Variants in TMEM127 observed in about 807,000 individuals in gnomAD.
TMEM127 encodes the protein transmembrane protein 127.
A neutral mutation model predicts 20.1 loss-of-function variants in TMEM127; 21 were observed. The ratio of observed to expected loss-of-function variants is 1.04; its 90% confidence interval spans 0.74 to 1.50. The LOEUF (loss-of-function observed/expected upper bound fraction) is 1.50. Ranked by LOEUF, TMEM127 falls within the 40% of genes most tolerant of loss-of-function variation. The pLI is 0.00. For synonymous variants in TMEM127, 150 were observed against 144.7 expected (o/e 1.04, Z -0.26); for missense variants, 303 against 317.4 (o/e 0.95, Z 0.34).
chr2:96,254,863 G>C lies in TMEM127; in HGVS notation c.379C>G (p.Arg127Gly). Reference protein sequence around the residue: ...GPKHPALKITRRYAFAHILTV... With the variant: ...GPKHPALKITGRYAFAHILTV... ...AGGATATGGGCGAAGGCATAGCGAC[G>C]AGTGATCTTCAGAGCAGGATGCTTC... The change falls in exon 3 of 4, where the codon CGT (arginine) becomes GGT (glycine). Residue 127 changes from arginine (R) to glycine (G), a missense_variant. By Grantham distance (125) the Arg-to-Gly change is moderately radical. Transcript: ENST00000258439. 6.2e-7 allele frequency: 1 copy of C among 1,614,088 alleles called. No homozygotes were observed. Among genetic ancestry groups the C allele is most frequent in the Non-Finnish European group, 8.5e-7 (1 of 1,179,968 alleles).
rs117319310 is a variant in TMEM127, at chr2:96,264,766, T to C, written c.244+372A>G. Among the ~76,000 whole-genome samples the C allele has an allele frequency of 1.6e-3, 245 of 152,346 alleles. 6 individuals carry two copies. In the East Asian group the frequency reaches 0.043, roughly 26 times the overall value. On this transcript the variant is annotated intron_variant, in intron 2 of 3. Coordinates refer to ENST00000258439, the MANE Select transcript of TMEM127 (RefSeq NM_017849.4). ...TTTAAAACCTAGTCATATTAAAAGT[T>C]CCTTTTTCTCCATTAATCAGTCTGC...
At chr2:96,257,214 C>T (rs903048700) in intron 2 of TMEM127, among the ~76,000 whole-genome samples, 6 of 152,330 alleles carry the variant, frequency 3.9e-5, no homozygotes, top group African/African-American at 1.4e-4. Context: ...ATAATCCTGG[C>T]ACTTTGGGAG....
Position 96,253,244 on chromosome 2 carries a change from T to TC in TMEM127, c.*563dup. On this transcript the variant is annotated 3_prime_UTR_variant, in exon 4 of 4. Coordinates refer to ENST00000258439, the MANE Select transcript of TMEM127 (RefSeq NM_017849.4). The surrounding 1 kb of genome is among the most constrained non-coding windows in gnomAD (Gnocchi z 4.3). ...CTGCCTTCCCAACAGCGATTCCCTC[T>TC]CCCCATAAAACCAGGGCACACGTGA... 1 of 234,696 alleles carries TC rather than the reference T, an allele frequency of 4.3e-6. No homozygotes were observed. 14.5% of individuals were successfully genotyped at this position (234,696 alleles called of 1,614,324 possible). A position where few individuals can be genotyped will look rare whatever the true frequency, so the allele number is the denominator to read the frequency against.
At chr2:96,256,862 G>A (rs1684218296) in intron 2 of TMEM127, among the ~76,000 whole-genome samples, 1 of 152,118 alleles carries the variant, frequency 6.6e-6, no homozygotes, top group Admixed American at 6.6e-5. Context: ...GAAAGTAAAG[G>A]GAAATAGACC....
At chr2:96,259,328 G>T (rs2104296634) in intron 2 of TMEM127, among the ~76,000 whole-genome samples, 1 of 152,338 alleles carries the variant, frequency 6.6e-6, no homozygotes, top group Middle Eastern at 3.4e-3. Context: ...TCCAAACCAT[G>T]ATCAGGCTCC....
chr2:96,259,215 G>T (rs1220484939), intron 2 of TMEM127, among the ~76,000 whole-genome samples: 5 of 152,220 alleles, frequency 3.3e-5, no homozygotes, highest in African/African-American at 1.2e-4. Context: ...ACACAGATGG[G>T]TGAAGTGCCC....
In TMEM127 at chr2:96,253,910, C is replaced by T; in HGVS notation, c.615G>A (p.Glu205=). 6.2e-7 allele frequency: 1 copy of T among 1,613,976 alleles called. No homozygotes were observed. The highest frequency in any genetic ancestry group is 1.3e-5 in the African/African-American group (1 of 75,022). Residue 205 remains glutamate (E), a synonymous_variant, in exon 4 of 4, where the codon GAG becomes GAA. Transcript: ENST00000258439. The surrounding 1 kb of genome is among the most constrained non-coding windows in gnomAD (Gnocchi z 4.3). Reference sequence around the variant, plus strand: ...TCTCTGAGAGCAGCTCCAGCGCCTGCTCCTCTTCCTCTGTGGGGTAGTGGC... The same window carrying T: ...TCTCTGAGAGCAGCTCCAGCGCCTGTTCCTCTTCCTCTGTGGGGTAGTGGC... The part of the protein sequence containing the change: ...LLRHYPTEEE[E]QALELLSEME...
At chr2:96,265,013 G>A in intron 2 of TMEM127, 125 bp downstream of exon 2, 10 of 1,491,422 alleles carry the variant, frequency 6.7e-6, no homozygotes, top group Non-Finnish European at 9.1e-6. Context: ...TGGTGGGCAT[G>A]AACACCAGGC....
chr2:96,262,672 G>A (rs1027512867), intron 2 of TMEM127, among the ~76,000 whole-genome samples: 1 of 152,194 alleles, frequency 6.6e-6, no homozygotes, highest in South Asian at 2.1e-4. Context: ...AAGACAAAAC[G>A]GAGCCTGAAT....
chr2:96,265,640 G>C (rs946692372), intron 1 of TMEM127, 128 bp from the exon 2 acceptor site: 2 of 376,800 alleles, frequency 5.3e-6, no homozygotes, highest in African/African-American at 4.2e-5. Context: ...CAACCGAAGA[G>C]GGCCAGGGGC....
rs1314650803 is a variant in TMEM127, at chr2:96,251,978, A to G, written c.*1830T>C. On this transcript the variant is annotated 3_prime_UTR_variant, in exon 4 of 4. Transcript: ENST00000258439. ...AAGTAAACCTGCCAATGACAAACTCAGGACTTAACAGAAAGACTTAGTTCA... is the reference window on the plus strand; with the variant it reads ...AAGTAAACCTGCCAATGACAAACTCGGGACTTAACAGAAAGACTTAGTTCA... 1.7e-5 allele frequency: 4 copies of G among 233,138 alleles called. No homozygotes were observed. Among genetic ancestry groups the G allele is most frequent in the Admixed American group, 5.6e-5 (1 of 17,762 alleles). 14.4% of individuals were successfully genotyped at this position (233,138 alleles called of 1,614,324 possible). A position where few individuals can be genotyped will look rare whatever the true frequency, so the allele number is the denominator to read the frequency against.
At chr2:96,258,697 C>T (rs915111532) in intron 2 of TMEM127, among the ~76,000 whole-genome samples, 1 of 152,160 alleles carries the variant, frequency 6.6e-6, no homozygotes, top group African/African-American at 2.4e-5. Context: ...GTGCATGGGG[C>T]CTCACTGAAA....
At position 96,254,074 on chromosome 2, in the gene TMEM127, A is replaced by G. The variant is rs964860224; in HGVS notation, c.451T>C (p.Ser151Pro). The G allele has an allele frequency of 3.1e-6, 5 of 1,614,022 alleles. No homozygotes were observed. Among genetic ancestry groups the G allele is most frequent in the Non-Finnish European group, 8.5e-7 (1 of 1,180,028 alleles). The change falls in exon 4 of 4, where the codon TCT becomes CCT. Residue 151 changes from serine to proline, a missense_variant. Physicochemically the swap from Ser to Pro is moderately conservative, Grantham distance 74. Transcript: ENST00000258439. ...ATVIGFSYWA[S>P]ELILAQQQQH... Reference sequence around the variant, plus strand: ...TGCTGCTGGGCCAAGATGAGTTCAGAAGCCCAATAAGAAAAGCCAATGACG... The same window carrying G: ...TGCTGCTGGGCCAAGATGAGTTCAGGAGCCCAATAAGAAAAGCCAATGACG...
chr2:96,253,584 G>C lies in TMEM127; in HGVS notation c.*224C>G. The C allele has an allele frequency of 1.8e-6, 1 of 571,202 alleles. No individual in the cohort carries two copies. 35.4% of individuals were successfully genotyped at this position (571,202 alleles called of 1,614,324 possible). On this transcript the variant is annotated 3_prime_UTR_variant, in exon 4 of 4. Coordinates refer to ENST00000258439, the MANE Select transcript of TMEM127 (RefSeq NM_017849.4). This position sits in a 1 kb window ranked among gnomAD's most constrained non-coding sequence, Gnocchi z 4.3. ...CTCGTGAATGTGAAGGGGGCAGGAT[G>C]TGGCAGGAGGGAAAGAGTACATTAT...
chr2:96,262,153 T>G (rs2104301551), intron 2 of TMEM127, among the ~76,000 whole-genome samples: 1 of 151,224 alleles, frequency 6.6e-6, no homozygotes, highest in East Asian at 2.0e-4. Context: ...CAACTACTCG[T>G]GAGGCTGAGA....
chr2:96,262,419 A>G lies in TMEM127; in HGVS notation c.244+2719T>C, dbSNP rs1054522522. 2.6e-5 allele frequency among the ~76,000 whole-genome samples: 4 copies of G among 152,316 alleles called. No individual in the cohort carries two copies. The South Asian group carries it at 8.3e-4, about 32-fold the overall frequency. On this transcript the variant is annotated intron_variant, in intron 2 of 3. Transcript: ENST00000258439. ...CAGGATACTACATGTCTGAAGGCCC[A>G]CTGGGTACCAAAAAACCAGTAGGTA... is the stretch of plus-strand genomic sequence containing the variant.
intron 2 of TMEM127, among the ~76,000 whole-genome samples, chr2:96,260,142 G>A (rs963525052): frequency 7.2e-5 from 11 of 152,198 alleles, no homozygotes; most frequent in Non-Finnish European, 1.5e-4. Context: ...TTTGGGTAAC[G>A]TTAACAGATA....
At position 96,265,261 on chromosome 2, in the gene TMEM127, TAGAC is replaced by T. The variant is rs121908816; in HGVS notation, c.117_120del (p.Ile41ArgfsTer39). 1.6e-5 allele frequency: 26 copies of T among 1,587,388 alleles called. No individual in the cohort carries two copies. The highest frequency in any genetic ancestry group is 2.7e-5 in the African/African-American group (2 of 74,622). ...GCGAGGGCAGTGCACAGCGCCGTGA[TAGAC>T]AGGGCGCCAGGCAGGGCCGAGGCCA... On this transcript the variant is annotated frameshift_variant, in exon 2 of 4. Transcript: ENST00000258439. LOFTEE classifies it high-confidence loss of function.
At chr2:96,263,537 AC>A (rs1461492634) in intron 2 of TMEM127, among the ~76,000 whole-genome samples, 3 of 152,126 alleles carry the variant, frequency 2.0e-5, no homozygotes, top group Non-Finnish European at 4.4e-5. Context: ...TCAAAAATTT[AC>A]TTTTATTTTT....
Sources: gnomAD v4.1 joint callset for allele counts (sites outside exome capture counted in the v4.1 genomes callset) on GRCh38, gnomAD v4.1.1 for gene constraint, Gnocchi (gnomAD v3.1) non-coding constraint, MANE v1.5 for transcripts, NCBI Gene and HGNC (gene_info 2026-07-23, HGNC 2026-07-21) for gene names.